HNRNPL: variants seen among roughly 807,000 people sequenced by gnomAD.
The protein encoded by HNRNPL is heterogeneous nuclear ribonucleoprotein L, also known as epididymis secretory sperm binding protein.
A neutral mutation model predicts 64.0 loss-of-function variants in HNRNPL; 12 were observed. The observed-to-expected ratio is 0.19, with a 90% CI of 0.12 to 0.30. HNRNPL has a LOEUF of 0.30. HNRNPL is among the 10% of genes least tolerant of loss of function. HNRNPL has a pLI of 1.00. For synonymous variants in HNRNPL, 385 were observed against 313.0 expected, an observed-to-expected ratio of 1.23 and a Z score of -2.43; for missense variants, 484 against 797.4, an observed-to-expected ratio of 0.61 and a Z score of 4.73.
At chr19:38,851,163 A>C (rs1414658852), upstream of HNRNPL, 1 of 152,380 alleles carries the variant, frequency 6.6e-6, no homozygotes, top group Non-Finnish European at 1.5e-5. Flanking sequence ...CACCTGGCAC[A>C]GTGCAAGCCC....
At chr19:38,839,606 C>CT (rs1347365003) in intron 8 of HNRNPL, 2 of 176,618 alleles carry the variant, frequency 1.1e-5, no homozygotes, top group African/African-American at 2.4e-5. Flanking sequence ...ACGAACTACT[C>CT]TAAGTAATGG....
intron 2 of HNRNPL, 68 bp from the exon 3 acceptor site, chr19:38,846,158 T>A: frequency 8.1e-7 from 1 of 1,239,296 alleles, no homozygotes; most frequent in Non-Finnish European, 1.2e-6. Context: ...ATCATTTGAT[T>A]TTTTGAGAAC....
At chr19:38,845,112 T>C (rs945628455) in intron 4 of HNRNPL, 1 of 152,500 alleles carries the variant, frequency 6.6e-6, no homozygotes, top group East Asian at 1.9e-4. Context: ...GAACTTAGAA[T>C]AAACATCTTT....
rs1972285359 is a variant in HNRNPL, at chr19:38,846,125, G to A, written c.387-35C>T. The stretch of plus-strand genomic sequence containing the variant: ...AGAACACAGGTTTCAATCCTCTCAG[G>A]AAAATGTAGACAGGAGGAGGGTATC... On this transcript the variant is annotated intron_variant, in intron 2 of 12. Coordinates refer to ENST00000221419, the MANE Select transcript of HNRNPL (RefSeq NM_001533.3). The A allele has an allele frequency of 4.7e-6, 7 of 1,478,326 alleles. No homozygotes were observed. In the African/African-American group the frequency reaches 6.9e-5, roughly 15 times the overall value. 91.6% of individuals were successfully genotyped at this position (1,478,326 alleles called of 1,614,324 possible).
In HNRNPL at chr19:38,840,470, G is replaced by A. The variant is rs767557213; in HGVS notation, c.952+18C>T. 3.1e-5 allele frequency: 49 copies of A among 1,580,500 alleles called. No homozygotes were observed. Among genetic ancestry groups the A allele is most frequent in the African/African-American group, 4.1e-5 (3 of 73,926 alleles). Reference sequence around the variant, plus strand: ...CATGAGCCACGGGAGTCCACGGAGGGGAACCCCCTGCCCTCACCATATTCT... The same window carrying A: ...CATGAGCCACGGGAGTCCACGGAGGAGAACCCCCTGCCCTCACCATATTCT... On this transcript the variant is annotated intron_variant, in intron 7 of 12. Coordinates refer to ENST00000221419, the MANE Select transcript of HNRNPL (RefSeq NM_001533.3).
At chr19:38,837,732 G>T (rs1003289544) in intron 10 of HNRNPL, 81 bp from the exon 11 acceptor site, 15 of 1,214,282 alleles carry the variant, frequency 1.2e-5, no homozygotes, top group Admixed American at 9.6e-5. Flanking sequence ...GGCCCTGCAT[G>T]ACTCAGTACT....
At chr19:38,846,701 G>A (rs1353379830) in intron 2 of HNRNPL, among the ~76,000 whole-genome samples, 6 of 152,174 alleles carry the variant, frequency 3.9e-5, no homozygotes, top group Non-Finnish European at 8.8e-5. Context: ...GAGGTCAGGA[G>A]ATTGAGACCA....
At chr19:38,849,496 C>T (rs1486112348) in intron 1 of HNRNPL, 6 of 659,620 alleles carry the variant, frequency 9.1e-6, no homozygotes, top group African/African-American at 5.7e-5. Flanking sequence ...CCCCCACACC[C>T]CGCTCCGGAC....
Position 38,836,551 on chromosome 19 carries a change from T to C in HNRNPL, c.*171A>G, listed in dbSNP as rs1971933200. ...TCCCCTCTCCCTCCCCCTGCAGATT[T>C]CCAGCGTTTCCATTAAGGTTAAGTA... On this transcript the variant is annotated 3_prime_UTR_variant, in exon 13 of 13. Transcript: ENST00000221419. 2.2e-6 allele frequency: 1 copy of C among 464,856 alleles called. No individual in the cohort carries two copies. The highest frequency in any genetic ancestry group is 3.8e-6 in the Non-Finnish European group (1 of 264,110). The allele number at this position is 464,856 out of a possible 1,614,324, so 28.8% of individuals were successfully genotyped here.
intron 8 of HNRNPL, 177 bp from the exon 9 acceptor site, chr19:38,839,192 A>G: frequency 2.9e-6 from 2 of 682,012 alleles, no homozygotes; most frequent in South Asian, 3.7e-5. Context: ...AGTGAGAAGC[A>G]GAGCCTGGGC....
chr19:38,850,031 C>G, upstream of HNRNPL: 1 of 1,284,626 alleles, frequency 7.8e-7, no homozygotes, highest in Non-Finnish European at 1.0e-6. Context: ...CACCCGCCGC[C>G]CCCACCCGAT....
chr19:38,849,725 C>T lies in HNRNPL; in HGVS notation c.242G>A (p.Gly81Glu). 4.4e-6 allele frequency: 6 copies of T among 1,375,564 alleles called. No homozygotes were observed. The South Asian group carries it at 5.1e-5, about 12-fold the overall frequency. 85.2% of individuals were successfully genotyped at this position (1,375,564 alleles called of 1,614,324 possible). A position where few individuals can be genotyped will look rare whatever the true frequency, so the allele number is the denominator to read the frequency against. ...CCCACCGCCGCCGCCGCCCGCCGCC[C>T]CGGCTCCTCCACCGCCACCGCCGCC... The part of the protein sequence containing the change: ...GGGGGGGGGA[G>E]AAGGGGGGEN... Residue 81 changes from glycine (G) to glutamate (E), a missense_variant, in exon 1 of 13, where the codon GGG becomes GAG. Physicochemically the swap from Gly to Glu is moderately conservative, Grantham distance 98 (BLOSUM62 -2). Around this residue, in one of 9 missense-constraint regions of HNRNPL, gnomAD observed 190 missense variants for 160.1 expected, o/e 1.19. Transcript: ENST00000221419.
At position 38,845,923 on chromosome 19, in the gene HNRNPL, G is replaced by A. The variant is rs377400468; in HGVS notation, c.554C>T (p.Ser185Leu). The part of the protein sequence containing the change: ...TSQKISRPGD[S>L]DDSRSVNSVL... ...ACTGTTCACGCTCCGGGAGTCATCC[G>A]AGTCCCCAGGGCGGGAGATCTTCTG... Residue 185 changes from serine (S) to leucine (L), a missense_variant, in exon 3 of 13, where the codon TCG (serine) becomes TTG (leucine). Physicochemically the swap from Ser to Leu is moderately radical, Grantham distance 145 (BLOSUM62 -2). This residue lies in a region of HNRNPL where 60 missense variants were observed against 192.2 expected (regional missense o/e 0.31). Transcript: ENST00000221419. 1.6e-5 allele frequency: 26 copies of A among 1,614,100 alleles called. No individual in the cohort carries two copies. Among genetic ancestry groups the A allele is most frequent in the African/African-American group, 2.7e-5 (2 of 74,928 alleles).
rs1370747869 is a variant in HNRNPL, at chr19:38,845,854, G to A, written c.623C>T (p.Thr208Met). Reference protein sequence around the residue: ...TILNPIYSITTDVLYTICNPC... With the variant: ...TILNPIYSITMDVLYTICNPC... ...CAAGAAATGCCTGCTGGCACGTACC[G>A]TGGTGATCGAATAAATGGGGTTCAG... Residue 208 changes from threonine to methionine, a missense_variant and splice_region_variant, in exon 3 of 13, where the codon ACG becomes ATG. This residue lies in a region of HNRNPL where 60 missense variants were observed against 192.2 expected (regional missense o/e 0.31). Transcript: ENST00000221419. 1.2e-6 allele frequency: 2 copies of A among 1,612,702 alleles called. No individual in the cohort carries two copies. The highest frequency in any genetic ancestry group is 1.7e-6 in the Non-Finnish European group (2 of 1,178,754).
chr19:38,844,375 C>T (rs1202618163), intron 4 of HNRNPL, among the ~76,000 whole-genome samples: 1 of 152,198 alleles, frequency 6.6e-6, no homozygotes, highest in African/African-American at 2.4e-5. Context: ...TCTGCCACAC[C>T]ACTTTCTCCG....
At chr19:38,841,368 T>TA (rs1568369794) in intron 6 of HNRNPL, 2 of 350,034 alleles carry the variant, frequency 5.7e-6, no homozygotes, top group East Asian at 1.5e-4. Flanking sequence ...ACTGAGTTGT[T>TA]AACTTTTAAC....
At chr19:38,844,182 C>T (rs1972208114) in intron 4 of HNRNPL, 78 bp from the exon 5 acceptor site, 1 of 902,968 alleles carries the variant, frequency 1.1e-6, no homozygotes, top group Admixed American at 1.8e-5. Flanking sequence ...GTGATAAGGA[C>T]AAGGTAGCAC....
rs559981281 is a variant in HNRNPL at position 38,843,825 on chromosome 19, G to A, written c.880+17C>T. 2.5e-6 allele frequency: 4 copies of A among 1,606,214 alleles called. No homozygotes were observed. In the South Asian group the frequency reaches 4.4e-5, roughly 18 times the overall value. ...GCAAGGCGGGTATGTTTAGAACAAA[G>A]TGGTCGTCAAGATTACCTTGTCCAC... On this transcript the variant is annotated intron_variant, in intron 6 of 12. Transcript: ENST00000221419.
chr19:38,844,712 C>A (rs1337407589), intron 4 of HNRNPL: 1 of 135,520 alleles, frequency 7.4e-6, no homozygotes, highest in African/African-American at 2.7e-5. Context: ...CATGCCCCAC[C>A]TTTTTTTTTT....
Sources: gnomAD v4.1 joint callset for allele counts (sites outside exome capture counted in the v4.1 genomes callset) on GRCh38, gnomAD v4.1.1 for gene constraint, gnomAD v4.1.1 regional missense constraint, MANE v1.5 for transcripts, NCBI Gene and HGNC (gene_info 2026-07-23, HGNC 2026-07-21) for gene names.